The following ZBTB20 variants were observed in gnomAD, a reference collection of about 807,000 sequenced individuals.
The protein encoded by ZBTB20 is zinc finger and BTB domain-containing protein 20.
In ZBTB20, 9 loss-of-function variants were observed where a neutral mutation model predicts 56.9. The observed-to-expected ratio is 0.16, with a 90% CI of 0.10 to 0.28. ZBTB20 has a LOEUF of 0.28. Among genes scored for constraint, ZBTB20 ranks in the 10% least tolerant of loss-of-function variants. The pLI, the probability that ZBTB20 is intolerant of heterozygous loss-of-function variation, is 1.00. For missense variants in ZBTB20, 655 were observed against 1,003.0 expected, an observed-to-expected ratio of 0.65 and a Z score of 4.69; for synonymous variants, 417 against 420.7, an observed-to-expected ratio of 0.99 and a Z score of 0.11.
chr3:114,631,859 G>A (rs2058977045), intron 6 of ZBTB20, among the ~76,000 whole-genome samples: 1 of 152,158 alleles, frequency 6.6e-6, no homozygotes, highest in African/African-American at 2.4e-5. Flanking sequence ...CATATGGGGA[G>A]AGAGTATATT....
chr3:114,432,890 T>A (rs1314833329), intron 7 of ZBTB20, among the ~76,000 whole-genome samples: 1 of 152,034 alleles, frequency 6.6e-6, no homozygotes, highest in African/African-American at 2.4e-5. Context: ...TGGACTGAGG[T>A]CAAGGTTAAT....
At chr3:114,476,948 C>T (rs1282109364) in intron 7 of ZBTB20, among the ~76,000 whole-genome samples, 3 of 152,154 alleles carry the variant, frequency 2.0e-5, no homozygotes, top group Non-Finnish European at 4.4e-5. Flanking sequence ...GCTTTCTCAG[C>T]TTCAGTTTTC....
chr3:115,041,591 G>T (rs57477051), intron 2 of ZBTB20, among the ~76,000 whole-genome samples: 13,453 of 152,154 alleles, frequency 0.088, 1,731 homozygotes, highest in African/African-American at 0.28. Context: ...TATTTTGGAA[G>T]AATTTACATG....
At chr3:114,432,653 G>T (rs1008878138) in intron 7 of ZBTB20, among the ~76,000 whole-genome samples, 4 of 152,292 alleles carry the variant, frequency 2.6e-5, no homozygotes, top group Non-Finnish European at 5.9e-5. Flanking sequence ...AGGAGGGACT[G>T]GCTCTCTGAG....
At chr3:114,473,865 T>C (rs145889628) in intron 7 of ZBTB20, among the ~76,000 whole-genome samples, 50 of 152,270 alleles carry the variant, frequency 3.3e-4, no homozygotes, top group Middle Eastern at 3.4e-3. Flanking sequence ...CAGTGATTTC[T>C]CTAAGGTTAC....
At chr3:114,896,915 G>A (rs1299615896) in intron 4 of ZBTB20, among the ~76,000 whole-genome samples, 4 of 152,016 alleles carry the variant, frequency 2.6e-5, no homozygotes, top group Non-Finnish European at 4.4e-5. Context: ...TAGAACCTCT[G>A]AGTACAATCT....
At chr3:114,779,023 T>A (rs1053598169) in intron 5 of ZBTB20, among the ~76,000 whole-genome samples, 1 of 152,144 alleles carries the variant, frequency 6.6e-6, no homozygotes, top group African/African-American at 2.4e-5. Context: ...AAAATGGGAA[T>A]CTCAATGTGT....
intron 10 of ZBTB20, among the ~76,000 whole-genome samples, chr3:114,370,993 G>C (rs2082941050): frequency 6.6e-6 from 1 of 152,112 alleles, no homozygotes; most frequent in African/African-American, 2.4e-5. Flanking sequence ...GCCCCCTTCA[G>C]GTCACCAATA....
intron 4 of ZBTB20, among the ~76,000 whole-genome samples, chr3:114,854,227 T>C (rs1397587432): frequency 1.3e-5 from 2 of 152,182 alleles, no homozygotes; most frequent in African/African-American, 4.8e-5. Context: ...ATAATATGTG[T>C]CAAAATACTT....
At chr3:114,794,453 A>G (rs760369074) in intron 5 of ZBTB20, among the ~76,000 whole-genome samples, 1 of 152,116 alleles carries the variant, frequency 6.6e-6, no homozygotes, top group Non-Finnish European at 1.5e-5. Flanking sequence ...AGCCCCTGCC[A>G]TTGACTATTT....
intron 4 of ZBTB20, among the ~76,000 whole-genome samples, chr3:114,812,597 C>A (rs528781423): frequency 3.7e-4 from 57 of 152,364 alleles, no homozygotes; most frequent in Non-Finnish European, 5.1e-4. Context: ...AAAGGCTCTC[C>A]ACGTCCCCAC....
intron 1 of ZBTB20, among the ~76,000 whole-genome samples, chr3:115,136,287 AC>A (rs2084650663): frequency 6.6e-6 from 1 of 152,134 alleles, no homozygotes; most frequent in African/African-American, 2.4e-5. Context: ...AATAATTTTA[AC>A]AATGCTAAAT....
chr3:114,366,493 T>G (rs973501484), intron 10 of ZBTB20, among the ~76,000 whole-genome samples: 15 of 152,216 alleles, frequency 9.9e-5, no homozygotes. Context: ...TGGATTTTGT[T>G]GATTAGCCAT....
Position 114,718,143 on chromosome 3 carries a change from C to T in ZBTB20, c.-342-24568G>A, listed in dbSNP as rs1199687672. Among the ~76,000 whole-genome samples, 4 of 152,048 alleles carry T rather than the reference C, an allele frequency of 2.6e-5. No homozygotes were observed. The East Asian group carries it at 7.7e-4, about 29-fold the overall frequency. ...CTTTTTTATTCCACATACCTCATGG[C>T]AAAATTTATGAACTACTTTTGAAAA... On this transcript the variant is annotated intron_variant, in intron 5 of 11. Coordinates refer to ENST00000675478, the MANE Select transcript of ZBTB20 (RefSeq NM_001348800.3).
chr3:114,769,386 C>T (rs1157731920), intron 5 of ZBTB20, among the ~76,000 whole-genome samples: 2 of 151,274 alleles, frequency 1.3e-5, no homozygotes, highest in South Asian at 2.1e-4. Flanking sequence ...TATACACACA[C>T]TATCATACAT....
chr3:114,686,167 T>C (rs1203215929), intron 6 of ZBTB20, among the ~76,000 whole-genome samples: 1 of 152,196 alleles, frequency 6.6e-6, no homozygotes, highest in African/African-American at 2.4e-5. Flanking sequence ...AGGAGCTTAA[T>C]ATAATTACTG....
At chr3:114,941,257 C>G (rs1319786060) in intron 3 of ZBTB20, among the ~76,000 whole-genome samples, 1 of 146,276 alleles carries the variant, frequency 6.8e-6, no homozygotes, top group East Asian at 1.9e-4. Context: ...TCACATACTA[C>G]TCTTCATTTA....
intron 6 of ZBTB20, among the ~76,000 whole-genome samples, chr3:114,674,173 T>G (rs1313277356): frequency 6.6e-6 from 1 of 152,200 alleles, no homozygotes; most frequent in Non-Finnish European, 1.5e-5. Context: ...ATATATTGAA[T>G]GTGAATCACT....
At chr3:114,745,578 T>C (rs2066979140) in intron 5 of ZBTB20, among the ~76,000 whole-genome samples, 2 of 152,212 alleles carry the variant, frequency 1.3e-5, no homozygotes, top group Admixed American at 1.3e-4. Flanking sequence ...AAGGATTGTT[T>C]GTAGAACCTT....
Sources: allele counts gnomAD v4.1 joint callset (sites outside exome capture counted in the v4.1 genomes callset), GRCh38; gene constraint gnomAD v4.1.1; transcripts MANE v1.5; gene names NCBI Gene and HGNC (gene_info 2026-07-23, HGNC 2026-07-21).